The following SCML4 variants were observed in gnomAD, a reference collection of about 807,000 sequenced individuals.
SCML4 encodes the protein Scm polycomb group protein like 4, also known as sex comb on midleg-like protein 4.
SCML4 carries 34 observed loss-of-function variants against 41.1 expected under a neutral mutation model. That is an observed-to-expected ratio of 0.83 (90% CI 0.63 to 1.10). SCML4 has a LOEUF of 1.10. SCML4 is among the 50% of genes least tolerant of loss of function. The pLI is 0.00. For synonymous variants in SCML4, 214 were observed against 220.9 expected (o/e 0.97, Z 0.28); for missense variants, 522 against 534.1 (o/e 0.98, Z 0.22).
chr6:107,777,596 C>A (rs1435407736), intron 1 of SCML4, among the ~76,000 whole-genome samples: 1 of 152,140 alleles, frequency 6.6e-6, no homozygotes, highest in Non-Finnish European at 1.5e-5. Flanking sequence ...TCAGTGGCTA[C>A]TATGTTAACG....
At chr6:107,751,468 A>G (rs1778616327) in intron 2 of SCML4, among the ~76,000 whole-genome samples, 1 of 152,206 alleles carries the variant, frequency 6.6e-6, no homozygotes, top group Non-Finnish European at 1.5e-5. Flanking sequence ...GAGGTAATAA[A>G]GCCAGGTTGG....
At chr6:107,769,498 G>A (rs1780343615) in intron 2 of SCML4, among the ~76,000 whole-genome samples, 1 of 152,226 alleles carries the variant, frequency 6.6e-6, no homozygotes, top group South Asian at 2.1e-4. Context: ...AGCTGGGGAA[G>A]CATCAGGCAA....
chr6:107,746,489 G>A, intron 4 of SCML4, 200 bp downstream of exon 4: 1 of 491,410 alleles, frequency 2.0e-6, no homozygotes, highest in Non-Finnish European at 3.6e-6. Context: ...CAGAAATCCA[G>A]TCTTCTTACC....
chr6:107,776,297 T>G (rs1346538417), intron 1 of SCML4, among the ~76,000 whole-genome samples: 1 of 152,206 alleles, frequency 6.6e-6, no homozygotes, highest in African/African-American at 2.4e-5. Context: ...AAATACTAGG[T>G]TGGTGCAGAA....
chr6:107,720,705 C>A lies in SCML4; in HGVS notation c.971G>T (p.Cys324Phe). 1 of 1,549,098 alleles carries A rather than the reference C, an allele frequency of 6.5e-7. No individual in the cohort carries two copies. The change falls in exon 6 of 8, where the codon TGT becomes TTT. Residue 324 changes from cysteine to phenylalanine, a missense_variant and splice_region_variant. Transcript: ENST00000369020. ...RNTTSLEGNR[C>F]ASSPSQDAQD... Reference sequence around the variant, plus strand: ...AGCTGATGCATGCATTACATTACCACATCTGTTTCCTTCAAGAGAGGTCGT... The same window carrying A: ...AGCTGATGCATGCATTACATTACCAAATCTGTTTCCTTCAAGAGAGGTCGT...
chr6:107,746,809 CA>C lies in SCML4; in HGVS notation c.366del (p.Phe122LeufsTer58). 1 of 1,614,128 alleles carries C rather than the reference CA, an allele frequency of 6.2e-7. No homozygotes were observed. Among genetic ancestry groups the C allele is most frequent in the Non-Finnish European group, 8.5e-7 (1 of 1,180,004 alleles). On this transcript the variant is annotated frameshift_variant, in exon 4 of 8. Coordinates refer to ENST00000369020, the MANE Select transcript of SCML4 (RefSeq NM_198081.5). LOFTEE classifies it high-confidence loss of function. ...RKKVQQLPEH[F>X]GPERPSAVLQ... ...AGCACCGCCGATGGCCGCTCGGGCC[CA>C]AAATGCTCCGGGAGCTGCTGCACCT...
the SCML4 span, among the ~76,000 whole-genome samples, chr6:107,834,911 C>T: frequency 6.6e-6 from 1 of 150,404 alleles, no homozygotes; most frequent in African/African-American, 2.5e-5. Context: ...GCACTCCAGC[C>T]TGGGAGACAA....
chr6:107,713,343 C>G (rs1774414059), intron 6 of SCML4, among the ~76,000 whole-genome samples: 1 of 152,202 alleles, frequency 6.6e-6, no homozygotes, highest in African/African-American at 2.4e-5. Context: ...CTCTGCTTCT[C>G]TGTTGTAAAA....
At chr6:107,842,444 C>T in the SCML4 span, among the ~76,000 whole-genome samples, 26 of 152,136 alleles carry the variant, frequency 1.7e-4, no homozygotes, top group African/African-American at 4.6e-4. Context: ...TTGATGTTAT[C>T]CAGAGTGCAG....
chr6:107,826,830 G>A (rs1421417130), upstream of SCML4, among the ~76,000 whole-genome samples: 1 of 152,208 alleles, frequency 6.6e-6, no homozygotes. Context: ...TTGGGAGGCT[G>A]AGGTGGGCAG....
intron 5 of SCML4, among the ~76,000 whole-genome samples, chr6:107,727,606 C>T (rs1776121546): frequency 6.6e-6 from 1 of 152,162 alleles, no homozygotes; most frequent in Non-Finnish European, 1.5e-5. Context: ...TGAAGTGCTG[C>T]GAGATGTCTT....
Position 107,705,412 on chromosome 6 carries a change from G to A in SCML4, c.1120-87C>T, listed in dbSNP as rs73764241. On this transcript the variant is annotated intron_variant, in intron 7 of 7. Transcript: ENST00000369020. ...GCTAAGGTTAAGGTGTGGTCAAGGGGTGTGCTCAGGGCATATGGATTGATT... is the reference window on the plus strand; with the variant it reads ...GCTAAGGTTAAGGTGTGGTCAAGGGATGTGCTCAGGGCATATGGATTGATT... 3,383 of 1,249,856 alleles carry A rather than the reference G, an allele frequency of 2.7e-3. 74 individuals are homozygous for A. In the African/African-American group the frequency reaches 0.045, roughly 17 times the overall value. 77.4% of individuals were successfully genotyped at this position (1,249,856 alleles called of 1,614,324 possible).
chr6:107,731,502 G>T (rs1016574092), intron 5 of SCML4, among the ~76,000 whole-genome samples: 1 of 151,982 alleles, frequency 6.6e-6, no homozygotes, highest in Admixed American at 6.6e-5. Flanking sequence ...CCCACTTCCC[G>T]CATCAGTCTT....
At chr6:107,731,560 C>G (rs571422403) in intron 5 of SCML4, among the ~76,000 whole-genome samples, 10 of 152,272 alleles carry the variant, frequency 6.6e-5, no homozygotes, top group African/African-American at 2.4e-4. Context: ...ACAATCAGCA[C>G]GACCACCTTC....
intron 1 of SCML4, among the ~76,000 whole-genome samples, chr6:107,807,300 G>C (rs1783813112): frequency 6.6e-6 from 1 of 152,166 alleles, no homozygotes; most frequent in Admixed American, 6.5e-5. Flanking sequence ...CAGCTGAGTA[G>C]CTAATTGCTG....
At chr6:107,706,986 G>A (rs1773701655) in intron 7 of SCML4, among the ~76,000 whole-genome samples, 1 of 152,152 alleles carries the variant, frequency 6.6e-6, no homozygotes, top group African/African-American at 2.4e-5. Context: ...GTAAGACAGA[G>A]AATGTATATT....
In SCML4 at chr6:107,703,627, C is replaced by A. The variant is rs764540; in HGVS notation, c.*1573G>T. ...GTTATACAGGTCATGCTCTGTACAA[C>A]GGCAGCTGATCAAGCGGTGAGGAGG... On this transcript the variant is annotated 3_prime_UTR_variant, in exon 8 of 8. Coordinates refer to ENST00000369020, the MANE Select transcript of SCML4 (RefSeq NM_198081.5). Among the ~76,000 whole-genome samples the A allele has an allele frequency of 0.023, 3,487 of 152,262 alleles. 128 individuals are homozygous for A. The highest frequency in any genetic ancestry group is 0.17 in the East Asian group (867 of 5,168).
chr6:107,813,370 T>TTATTTATATA (rs1784310778), intron 1 of SCML4, among the ~76,000 whole-genome samples: 3 of 42,472 alleles, frequency 7.1e-5, no homozygotes, highest in Non-Finnish European at 7.8e-5. Flanking sequence ...CTCAAAAAAA[T>TTATTTATATA]TATATATATA....
intron 1 of SCML4, among the ~76,000 whole-genome samples, chr6:107,794,714 C>G (rs1369139554): frequency 6.6e-6 from 1 of 152,112 alleles, no homozygotes; most frequent in Non-Finnish European, 1.5e-5. Flanking sequence ...GTGTTAGTTT[C>G]CTAACACTAT....
Sources: gnomAD v4.1 joint callset for allele counts (sites outside exome capture counted in the v4.1 genomes callset) on GRCh38, gnomAD v4.1.1 for gene constraint, MANE v1.5 for transcripts, NCBI Gene and HGNC (gene_info 2026-07-23, HGNC 2026-07-21) for gene names.